Variants in MYDGF observed in about 807,000 individuals in gnomAD.
The protein encoded by MYDGF is myeloid-derived growth factor.
A neutral mutation model predicts 24.2 loss-of-function variants in MYDGF; 29 were observed. The ratio of observed to expected loss-of-function variants is 1.20; its 90% CI spans 0.89 to 1.63. The LOEUF is 1.63. MYDGF is among the 40% of genes most tolerant of loss of function. The pLI, the probability that MYDGF is intolerant of heterozygous loss-of-function variation, is 0.00. For missense variants in MYDGF, 245 were observed against 234.8 expected (o/e 1.04, Z -0.29); for synonymous variants, 105 against 102.5 (o/e 1.02, Z -0.15).
intron 5 of MYDGF, among the ~76,000 whole-genome samples, chr19:4,659,241 A>G (rs1428086232): frequency 6.6e-6 from 1 of 151,572 alleles, no homozygotes; most frequent in East Asian, 2.0e-4. Flanking sequence ...ATGCCCGGCT[A>G]ATTTTTTTTC....
Position 4,660,660 on chromosome 19 carries a change from G to A in MYDGF, c.369+9C>T. On this transcript the variant is annotated intron_variant, in intron 4 of 5. Coordinates refer to ENST00000262947, the MANE Select transcript of MYDGF (RefSeq NM_019107.4). ...ACACCCGGAGCCTGCCCCACTCCAA[G>A]ATACTCACGTAGGCCATGGCGTACT... 2 of 1,613,182 alleles carry A rather than the reference G, an allele frequency of 1.2e-6. No homozygotes were observed. The highest frequency in any genetic ancestry group is 1.3e-5 in the African/African-American group (1 of 75,044).
chr19:4,670,041 C>T (rs2088553053), intron 1 of MYDGF, 120 bp downstream of exon 1: 2 of 1,137,600 alleles, frequency 1.8e-6, no homozygotes, highest in Non-Finnish European at 2.3e-6. Context: ...CAATCCGCAC[C>T]CCTTCTTCAG....
intron 1 of MYDGF, among the ~76,000 whole-genome samples, chr19:4,669,922 C>G (rs966839906): frequency 6.6e-6 from 1 of 152,164 alleles, no homozygotes; most frequent in African/African-American, 2.4e-5. Context: ...ATCACGCCCC[C>G]TCAACGCCGC....
At chr19:4,662,206 C>G (rs1390805530) in intron 3 of MYDGF, among the ~76,000 whole-genome samples, 1 of 152,238 alleles carries the variant, frequency 6.6e-6, no homozygotes, top group African/African-American at 2.4e-5. Flanking sequence ...AAATCACACC[C>G]TGTCCTTCAG....
intron 2 of MYDGF, among the ~76,000 whole-genome samples, chr19:4,667,136 T>C (rs1411740100): frequency 1.4e-5 from 2 of 143,896 alleles, no homozygotes; most frequent in East Asian, 4.0e-4. Flanking sequence ...TTTTTTTTTT[T>C]TTTTTTTTTT....
intron 3 of MYDGF, 103 bp from the exon 4 acceptor site, chr19:4,660,853 G>T (rs752106886): frequency 6.3e-5 from 53 of 842,756 alleles, no homozygotes; most frequent in Non-Finnish European, 9.0e-5. Flanking sequence ...GGGTCAGCAG[G>T]TCTCGTGCCT....
At chr19:4,665,026 A>T in intron 2 of MYDGF, 89 bp from the exon 3 acceptor site, 1 of 1,408,318 alleles carries the variant, frequency 7.1e-7, no homozygotes, top group Non-Finnish European at 9.8e-7. Flanking sequence ...CAGTCAGGCC[A>T]CCTCTTCTGT....
chr19:4,657,739 C>T lies in MYDGF; in HGVS notation c.*266G>A, dbSNP rs2088433721. On this transcript the variant is annotated 3_prime_UTR_variant, in exon 6 of 6. Coordinates refer to ENST00000262947, the MANE Select transcript of MYDGF (RefSeq NM_019107.4). ...CCATGTTCCCCACCCTCTTTGTGCC[C>T]CGGATCTGCGATCCTGAGTCCAGAA... 1 of 320,530 alleles carries T rather than the reference C, an allele frequency of 3.1e-6. No homozygotes were observed. Among genetic ancestry groups the T allele is most frequent in the Non-Finnish European group, 5.8e-6 (1 of 172,814 alleles). The allele number at this position is 320,530 out of a possible 1,614,324, so 19.9% of individuals were successfully genotyped here.
intron 1 of MYDGF, 97 bp downstream of exon 1, chr19:4,670,064 C>T (rs1328907874): frequency 3.1e-6 from 4 of 1,292,614 alleles, no homozygotes; most frequent in African/African-American, 1.6e-5. Context: ...CCCACCTCCG[C>T]GGTCCGCGCC....
At chr19:4,663,230 C>T (rs928462485) in intron 3 of MYDGF, among the ~76,000 whole-genome samples, 2 of 136,668 alleles carry the variant, frequency 1.5e-5, no homozygotes, top group Non-Finnish European at 3.1e-5. Flanking sequence ...ACACAGCCTC[C>T]AATCTACCCT....
intron 3 of MYDGF, among the ~76,000 whole-genome samples, chr19:4,662,578 CG>C (rs1258280900): frequency 6.6e-6 from 1 of 152,070 alleles, no homozygotes; most frequent in African/African-American, 2.4e-5. Context: ...GGGGCAGAAT[CG>C]GGCGGTGTCT....
At chr19:4,667,253 C>G (rs1395895697) in intron 2 of MYDGF, among the ~76,000 whole-genome samples, 1 of 151,810 alleles carries the variant, frequency 6.6e-6, no homozygotes, top group Admixed American at 6.6e-5. Context: ...CTCAGCCTCC[C>G]CAGTAGCTGG....
intron 3 of MYDGF, among the ~76,000 whole-genome samples, chr19:4,664,405 G>T (rs149646850): frequency 4.0e-5 from 6 of 151,010 alleles, no homozygotes; most frequent in African/African-American, 1.5e-4. Flanking sequence ...GAGGAGAATC[G>T]CTTGAACCCA....
intron 1 of MYDGF, among the ~76,000 whole-genome samples, chr19:4,669,193 G>A (rs1043913810): frequency 6.6e-6 from 1 of 152,142 alleles, no homozygotes; most frequent in South Asian, 2.1e-4. Flanking sequence ...CAACAAACTG[G>A]CCTGGCACAG....
intron 3 of MYDGF, among the ~76,000 whole-genome samples, chr19:4,662,458 G>T (rs2088478863): frequency 6.6e-6 from 1 of 152,176 alleles, no homozygotes; most frequent in African/African-American, 2.4e-5. Context: ...TTCCCTTCAT[G>T]ACCTTGCCCA....
At chr19:4,658,474 G>T (rs1373925269) in intron 5 of MYDGF, among the ~76,000 whole-genome samples, 1 of 152,154 alleles carries the variant, frequency 6.6e-6, no homozygotes, top group African/African-American at 2.4e-5. Flanking sequence ...CTCAGTGGGT[G>T]AACCTGTCTG....
chr19:4,669,723 G>A (rs574355558), intron 1 of MYDGF, among the ~76,000 whole-genome samples: 3 of 152,262 alleles, frequency 2.0e-5, no homozygotes, highest in Non-Finnish European at 4.4e-5. Context: ...CTCGGTGAGG[G>A]GGGACCTTGT....
intron 2 of MYDGF, among the ~76,000 whole-genome samples, chr19:4,667,473 T>C (rs1255937894): frequency 6.6e-6 from 1 of 152,126 alleles, no homozygotes; most frequent in Non-Finnish European, 1.5e-5. Context: ...GGTTTCACCA[T>C]GTTGGCCAGG....
chr19:4,664,865 C>T lies in MYDGF; in HGVS notation c.287+11G>A, dbSNP rs199712920. ...GGCAGCCGGAAATGCCATCCCCACC[C>T]CGAGTCTCACCTCCAGATGGTGCAG... On this transcript the variant is annotated intron_variant, in intron 3 of 5. Coordinates refer to ENST00000262947, the MANE Select transcript of MYDGF (RefSeq NM_019107.4). 2,663 of 1,611,948 alleles carry T rather than the reference C, an allele frequency of 1.7e-3. 3 individuals are homozygous for T. Among genetic ancestry groups the T allele is most frequent in the Non-Finnish European group, 1.9e-3 (2,292 of 1,179,216 alleles).
Sources: allele counts gnomAD v4.1 joint callset (sites outside exome capture counted in the v4.1 genomes callset), GRCh38; gene constraint gnomAD v4.1.1; transcripts MANE v1.5; gene names NCBI Gene and HGNC (gene_info 2026-07-23, HGNC 2026-07-21).